The following GRIK4 variants were observed in gnomAD, a reference collection of about 807,000 sequenced individuals.
GRIK4 encodes glutamate receptor ionotropic, kainate 4.
GRIK4 carries 40 observed loss-of-function variants against 104.9 expected under a neutral mutation model. The observed-to-expected ratio is 0.38, with a 90% CI of 0.30 to 0.50. GRIK4 has a LOEUF of 0.50. GRIK4 is among the 20% of genes least tolerant of loss of function. The pLI is 0.93. For missense variants in GRIK4, 1,047 were observed against 1,308.1 expected, an observed-to-expected ratio of 0.80 and a Z score of 3.08; for synonymous variants, 485 against 524.9, an observed-to-expected ratio of 0.92 and a Z score of 1.04.
Position 120,745,088 on chromosome 11 carries a change from C to G in GRIK4, c.83-57605C>G, listed in dbSNP as rs974681145. 5.3e-5 allele frequency among the ~76,000 whole-genome samples: 8 copies of G among 152,268 alleles called. No individual in the cohort carries two copies. In the East Asian group the frequency reaches 1.5e-3, roughly 29 times the overall value. ...TAGGGATGTAAATGGGAATGACCGTCCCACCTCATCCTTGCTGATGTCCAA... is the reference window on the plus strand; with the variant it reads ...TAGGGATGTAAATGGGAATGACCGTGCCACCTCATCCTTGCTGATGTCCAA... On this transcript the variant is annotated intron_variant, in intron 3 of 20. Coordinates refer to ENST00000527524, the MANE Select transcript of GRIK4 (RefSeq NM_014619.5).
intron 1 of GRIK4, among the ~76,000 whole-genome samples, chr11:120,645,730 C>T (rs978895755): frequency 1.3e-5 from 2 of 152,202 alleles, no homozygotes; most frequent in Non-Finnish European, 2.9e-5. Flanking sequence ...TTCTGTGGTT[C>T]CTGAGAGTTC....
chr11:120,520,211 A>G (rs1014279098), intron 1 of GRIK4, among the ~76,000 whole-genome samples: 3 of 152,144 alleles, frequency 2.0e-5, no homozygotes, highest in South Asian at 4.1e-4. Context: ...TACTGCTTCT[A>G]TATTTCTGTT....
At chr11:120,782,331 G>C (rs1185934364) in intron 3 of GRIK4, among the ~76,000 whole-genome samples, 4 of 149,006 alleles carry the variant, frequency 2.7e-5, no homozygotes, top group Non-Finnish European at 5.9e-5. Flanking sequence ...TGTCGCCCAG[G>C]CTGGAATGCA....
rs1228519589 is a variant in GRIK4 at position 120,986,650 on chromosome 11, C to T, written c.*390C>T. On this transcript the variant is annotated 3_prime_UTR_variant, in exon 21 of 21. Transcript: ENST00000527524. ...CCTAGTCAGGGGCCAATGTACCCTC[C>T]GTCTAGTTCTTACAGAAAAAAAAAA... 11 of 175,300 alleles carry T rather than the reference C, an allele frequency of 6.3e-5. No individual in the cohort carries two copies. The South Asian group carries it at 2.2e-3, about 35-fold the overall frequency. The allele number at this position is 175,300 out of a possible 1,614,324, so 10.9% of individuals were successfully genotyped here.
At chr11:120,805,372 C>T (rs1158974164) in intron 4 of GRIK4, among the ~76,000 whole-genome samples, 2 of 152,156 alleles carry the variant, frequency 1.3e-5, no homozygotes, top group African/African-American at 2.4e-5. Flanking sequence ...TGGATGGCAT[C>T]GTTAGCAGAT....
chr11:120,623,907 T>C (rs926538546), intron 1 of GRIK4, among the ~76,000 whole-genome samples: 1 of 151,948 alleles, frequency 6.6e-6, no homozygotes, highest in Non-Finnish European at 1.5e-5. Context: ...ACCCTGCTTC[T>C]CTCTGGGCCC....
At chr11:120,574,064 T>G (rs1252866532) in intron 1 of GRIK4, among the ~76,000 whole-genome samples, 1 of 152,050 alleles carries the variant, frequency 6.6e-6, no homozygotes, top group Non-Finnish European at 1.5e-5. Context: ...AGGGATAGAG[T>G]GCACCCGATG....
At chr11:120,846,479 G>A (rs1195081149) in intron 8 of GRIK4, among the ~76,000 whole-genome samples, 1 of 152,196 alleles carries the variant, frequency 6.6e-6, no homozygotes, top group Admixed American at 6.5e-5. Context: ...TTCCCTTACT[G>A]AAGCATGGGT....
intron 3 of GRIK4, among the ~76,000 whole-genome samples, chr11:120,689,965 G>A (rs1052762895): frequency 6.6e-6 from 1 of 152,150 alleles, no homozygotes; most frequent in Non-Finnish European, 1.5e-5. Flanking sequence ...TATCGAATGG[G>A]CTTTCCATGT....
chr11:120,644,040 T>TGA (rs2135205225), intron 1 of GRIK4, among the ~76,000 whole-genome samples: 2 of 117,956 alleles, frequency 1.7e-5, no homozygotes, highest in South Asian at 5.3e-4. Flanking sequence ...TGTGTGTGTG[T>TGA]GTGTGAGAGA....
chr11:120,862,483 A>C (rs1251710715), intron 9 of GRIK4, among the ~76,000 whole-genome samples: 2 of 152,154 alleles, frequency 1.3e-5, no homozygotes, highest in Non-Finnish European at 2.9e-5. Flanking sequence ...TCAGATAAGG[A>C]AACTAAAGCC....
intron 11 of GRIK4, among the ~76,000 whole-genome samples, chr11:120,889,134 T>C (rs1955201072): frequency 6.6e-6 from 1 of 152,224 alleles, no homozygotes; most frequent in Admixed American, 6.5e-5. Flanking sequence ...AGGACTCGGT[T>C]GGGCTCTTGC....
In GRIK4 at chr11:120,727,060, G is replaced by A. The variant is rs1951040011; in HGVS notation, c.82+66660G>A. Among the ~76,000 whole-genome samples the A allele has an allele frequency of 2.0e-5, 3 of 152,160 alleles. No individual in the cohort carries two copies. The South Asian group carries it at 6.2e-4, about 32-fold the overall frequency. On this transcript the variant is annotated intron_variant, in intron 3 of 20. Transcript: ENST00000527524. ...GGGGAAGACAGACCTGAGAACAGGA[G>A]AACCACAAACTAGCAACAGATTTGC...
chr11:120,625,460 T>G (rs561600298), intron 1 of GRIK4, among the ~76,000 whole-genome samples: 4 of 152,318 alleles, frequency 2.6e-5, no homozygotes, highest in African/African-American at 9.6e-5. Flanking sequence ...AAGCAGCAGC[T>G]GGCCACCTAC....
At chr11:120,642,190 G>A (rs1375088757) in intron 1 of GRIK4, among the ~76,000 whole-genome samples, 2 of 152,214 alleles carry the variant, frequency 1.3e-5, no homozygotes, top group Non-Finnish European at 2.9e-5. Flanking sequence ...TATTAGCCAG[G>A]TGTGGTGGTG....
chr11:120,715,135 C>T (rs1413097749), intron 3 of GRIK4, among the ~76,000 whole-genome samples: 3 of 152,146 alleles, frequency 2.0e-5, no homozygotes, highest in Non-Finnish European at 2.9e-5. Flanking sequence ...TTCACTGTAT[C>T]TCTGCTGGCA....
At chr11:120,874,657 G>T (rs376070637) in intron 10 of GRIK4, among the ~76,000 whole-genome samples, 1 of 152,192 alleles carries the variant, frequency 6.6e-6, no homozygotes, top group East Asian at 1.9e-4. Context: ...GCTTCCTCTG[G>T]TGGGTGAATG....
intron 1 of GRIK4, among the ~76,000 whole-genome samples, chr11:120,539,589 G>A (rs953479064): frequency 2.0e-5 from 3 of 152,154 alleles, no homozygotes; most frequent in African/African-American, 7.2e-5. Flanking sequence ...AGTATTTTAG[G>A]TTCAACAAAT....
intron 19 of GRIK4, among the ~76,000 whole-genome samples, chr11:120,979,559 A>G (rs1033262153): frequency 6.6e-6 from 1 of 152,204 alleles, no homozygotes; most frequent in South Asian, 2.1e-4. Flanking sequence ...AAGCTCGGCC[A>G]TGGAAGGAGA....
Sources: gnomAD v4.1 joint callset for allele counts (sites outside exome capture counted in the v4.1 genomes callset) on GRCh38, gnomAD v4.1.1 for gene constraint, MANE v1.5 for transcripts, NCBI Gene and HGNC (gene_info 2026-07-23, HGNC 2026-07-21) for gene names.